C7: variants seen among roughly 807,000 people sequenced by gnomAD.
C7 encodes complement component C7.
C7 carries 83 observed loss-of-function variants against 104.8 expected under a neutral mutation model. That is an observed-to-expected ratio of 0.79 (90% confidence interval 0.66 to 0.95). C7 has a LOEUF of 0.95. C7 is among the 40% of genes least tolerant of loss of function. The pLI, the probability that C7 is intolerant of heterozygous loss-of-function variation, is 0.00. For synonymous variants in C7, 415 were observed against 360.6 expected (o/e 1.15, Z -1.71); for missense variants, 1,070 against 1,011.2 (o/e 1.06, Z -0.79).
intron 12 of C7, among the ~76,000 whole-genome samples, chr5:40,960,291 G>T (rs943501537): frequency 9.9e-5 from 15 of 152,092 alleles, no homozygotes; most frequent in Non-Finnish European, 1.9e-4. Flanking sequence ...GACTGGACTT[G>T]GCAAAATATT....
intron 6 of C7, among the ~76,000 whole-genome samples, chr5:40,940,393 G>T (rs1051907770): frequency 1.3e-5 from 2 of 152,160 alleles, no homozygotes; most frequent in Non-Finnish European, 2.9e-5. Flanking sequence ...CTGAGAGATA[G>T]CAGAGGACTA....
Position 40,936,331 on chromosome 5 carries a change from T to A in C7, c.281-7T>A. 6.2e-7 allele frequency: 1 copy of A among 1,612,928 alleles called. No homozygotes were observed. The highest frequency in any genetic ancestry group is 1.7e-5 in the Admixed American group (1 of 59,876). ...TACATTTGCACGTGGATTTCTCTGG[T>A]GTTCAGGTCAGTGCATCAGCAAATC... is the stretch of plus-strand genomic sequence containing the variant. On this transcript the variant is annotated splice_region_variant and splice_polypyrimidine_tract_variant and intron_variant, in intron 4 of 17. Transcript: ENST00000313164.
intron 1 of C7, among the ~76,000 whole-genome samples, chr5:40,922,583 T>C (rs1241667701): frequency 6.9e-6 from 1 of 145,620 alleles, no homozygotes; most frequent in Non-Finnish European, 1.5e-5. Flanking sequence ...TGCCTGTAAT[T>C]TCAACTACTA....
rs149719125 is a variant in C7, at chr5:40,924,488, G to C, written c.7-4092G>C. 2.3e-3 allele frequency among the ~76,000 whole-genome samples: 354 copies of C among 152,338 alleles called. 1 individual carries two copies. The highest frequency in any genetic ancestry group is 5.4e-3 in the Admixed American group (83 of 15,290). ...GGATCTGCCATTCTGGGGTCTGGAG[G>C]ACAGTGATCCCCTTTCCACTAATTC... On this transcript the variant is annotated intron_variant, in intron 1 of 17. Transcript: ENST00000313164.
intron 15 of C7, among the ~76,000 whole-genome samples, chr5:40,974,892 A>T (rs1740780796): frequency 1.3e-5 from 2 of 152,272 alleles, no homozygotes; most frequent in South Asian, 2.1e-4. Context: ...TTTAGGTCTA[A>T]TAATTCTTTG....
intron 9 of C7, 77 bp from the exon 10 acceptor site, chr5:40,955,310 C>T: frequency 6.9e-7 from 1 of 1,441,676 alleles, no homozygotes; most frequent in Non-Finnish European, 9.5e-7. Context: ...TGGCTTTTTC[C>T]AGGATGTCAT....
At chr5:40,936,869 A>G (rs1223853917) in intron 5 of C7, among the ~76,000 whole-genome samples, 1 of 152,160 alleles carries the variant, frequency 6.6e-6, no homozygotes, top group East Asian at 1.9e-4. Context: ...ATAGAATGAG[A>G]ACAGGATGAG....
intron 1 of C7, among the ~76,000 whole-genome samples, chr5:40,912,510 C>A (rs1248933991): frequency 1.3e-5 from 2 of 152,094 alleles, no homozygotes; most frequent in Non-Finnish European, 2.9e-5. Flanking sequence ...TTCTGAGTAG[C>A]TGGGACTACA....
chr5:40,955,645 C>T (rs965409728), intron 10 of C7, 92 bp downstream of exon 10: 9 of 1,135,904 alleles, frequency 7.9e-6, no homozygotes, highest in Admixed American at 2.4e-5. Flanking sequence ...GTTAAACAGA[C>T]ATGGCTGTAA....
In C7 at chr5:40,975,171, T is replaced by G. The variant is rs144316934; in HGVS notation, c.2075-1579T>G. On this transcript the variant is annotated intron_variant, in intron 15 of 17. Transcript: ENST00000313164. Reference sequence around the variant, plus strand: ...AATTTCTACACACCCTTCACCCATCTTCCTTAATATTAACATCTTACATAA... The same window carrying G: ...AATTTCTACACACCCTTCACCCATCGTCCTTAATATTAACATCTTACATAA... Among the ~76,000 whole-genome samples, 689 of 152,276 alleles carry G rather than the reference T, an allele frequency of 4.5e-3. 1 individual carries two copies. Among genetic ancestry groups the G allele is most frequent in the African/African-American group, 0.016 (652 of 41,550 alleles).
intron 9 of C7, among the ~76,000 whole-genome samples, chr5:40,954,371 T>C (rs1302286229): frequency 6.6e-6 from 1 of 152,152 alleles, no homozygotes; most frequent in Admixed American, 6.5e-5. Context: ...CTTTGAAATA[T>C]ATATTATGTA....
chr5:40,939,095 T>C (rs1739876467), intron 6 of C7, among the ~76,000 whole-genome samples: 1 of 152,198 alleles, frequency 6.6e-6, no homozygotes. Context: ...TCTAAATTTG[T>C]AAACCCAAAC....
intron 1 of C7, among the ~76,000 whole-genome samples, chr5:40,919,501 C>A (rs1343893134): frequency 6.6e-6 from 1 of 152,020 alleles, no homozygotes; most frequent in African/African-American, 2.4e-5. Context: ...ATGTTATGCA[C>A]CTGTAGTCCC....
chr5:40,909,683 A>G, intron 1 of C7, 67 bp downstream of exon 1: 1 of 1,242,418 alleles, frequency 8.0e-7, no homozygotes, highest in Non-Finnish European at 1.1e-6. Context: ...GGTAATATAA[A>G]TGTAATTTAA....
chr5:40,974,282 T>G (rs1002406166), intron 15 of C7, among the ~76,000 whole-genome samples: 2 of 152,152 alleles, frequency 1.3e-5, no homozygotes, highest in Admixed American at 6.5e-5. Flanking sequence ...AGCACATACT[T>G]TCGGTGGGCC....
At chr5:40,932,365 C>A (rs376182419) in intron 3 of C7, among the ~76,000 whole-genome samples, 1 of 152,100 alleles carries the variant, frequency 6.6e-6, no homozygotes, top group East Asian at 1.9e-4. Context: ...TATCTGTCCT[C>A]TTTTCCCATA....
chr5:40,947,097 A>AT (rs70988819), intron 7 of C7, among the ~76,000 whole-genome samples: 3,846 of 127,154 alleles, frequency 0.03, 187 homozygotes, highest in African/African-American at 0.1. Flanking sequence ...CATTACTCAG[A>AT]TTTTTTTTTT....
At chr5:40,937,197 C>T (rs993333674) in intron 5 of C7, 1 of 159,504 alleles carries the variant, frequency 6.3e-6, no homozygotes, top group African/African-American at 2.4e-5. Flanking sequence ...AGAGCTCTCT[C>T]TCCTCAAGAG....
At position 40,936,351 on chromosome 5, in the gene C7, C is replaced by T. The variant is rs750680959; in HGVS notation, c.294C>T (p.Ser98=). The change falls in exon 5 of 18, where the codon AGC becomes AGT. Residue 98 remains serine (S), a synonymous_variant. Coordinates refer to ENST00000313164, the MANE Select transcript of C7 (RefSeq NM_000587.4). The stretch of plus-strand genomic sequence containing the variant: ...TCTGGTGTTCAGGTCAGTGCATCAG[C>T]AAATCATTGGTTTGCAATGGGGATT... ...RFRCFSGQCI[S]KSLVCNGDSD... 6.2e-7 allele frequency: 1 copy of T among 1,613,262 alleles called. No homozygotes were observed. The highest frequency in any genetic ancestry group is 1.1e-5 in the South Asian group (1 of 91,050).
Sources: gnomAD v4.1 joint callset for allele counts (sites outside exome capture counted in the v4.1 genomes callset) on GRCh38, gnomAD v4.1.1 for gene constraint, MANE v1.5 for transcripts, NCBI Gene and HGNC (gene_info 2026-07-23, HGNC 2026-07-21) for gene names.